ACACB: variants seen among roughly 807,000 people sequenced by gnomAD.
ACACB encodes the protein acetyl-CoA carboxylase beta.
Under a neutral mutation model 278.8 loss-of-function variants are expected in ACACB, and 209 were observed. The ratio of observed to expected loss-of-function variants is 0.75; its 90% CI spans 0.67 to 0.84. ACACB has a LOEUF of 0.84. Among genes scored for constraint, ACACB ranks in the 40% least tolerant of loss-of-function variants. ACACB has a pLI of 0.00. For missense variants in ACACB, 2,850 were observed against 3,269.0 expected (o/e 0.87, Z 3.13); for synonymous variants, 1,174 against 1,285.6 (o/e 0.91, Z 1.86).
chr12:109,258,283 C>A lies in ACACB; in HGVS notation c.6279C>A (p.Pro2093=). ...VTGRARLGGI[P]VGVIAVETRT... ...CATTTTCCAGGCTTGGGGGGATTCCCGTGGGAGTGATTGCTGTGGAGACAC... is the reference window on the plus strand; with the variant it reads ...CATTTTCCAGGCTTGGGGGGATTCCAGTGGGAGTGATTGCTGTGGAGACAC... The change falls in exon 46 of 53, where the codon CCC becomes CCA. Residue 2093 remains proline, a synonymous_variant. Transcript: ENST00000338432. 1 of 1,612,342 alleles carries A rather than the reference C, an allele frequency of 6.2e-7. No individual in the cohort carries two copies. Among genetic ancestry groups the A allele is most frequent in the Non-Finnish European group, 8.5e-7 (1 of 1,179,740 alleles).
intron 4 of ACACB, among the ~76,000 whole-genome samples, chr12:109,170,534 G>C (rs2044075884): frequency 6.6e-6 from 1 of 152,186 alleles, no homozygotes; most frequent in African/African-American, 2.4e-5. Flanking sequence ...GTCACAAAAA[G>C]TGAAATAAGC....
chr12:109,200,730 A>G (rs923256334), intron 18 of ACACB, among the ~76,000 whole-genome samples: 1 of 152,208 alleles, frequency 6.6e-6, no homozygotes. Flanking sequence ...ACTGGAGGTC[A>G]CACAAAGCCA....
At chr12:109,156,587 GTT>G (rs10616119) in intron 2 of ACACB, among the ~76,000 whole-genome samples, 80,051 of 131,648 alleles carry the variant, frequency 0.61, 23,764 homozygotes, top group Middle Eastern at 0.7. Context: ...GTTTCTCTCT[GTT>G]TTTTTTTTTT....
chr12:109,227,535 C>G (rs1443530799), intron 28 of ACACB, 46 bp downstream of exon 28: 9 of 1,572,548 alleles, frequency 5.7e-6, no homozygotes, highest in Non-Finnish European at 7.0e-6. Context: ...TTCTGTTCTT[C>G]CTGACCTCTG....
intron 21 of ACACB, among the ~76,000 whole-genome samples, chr12:109,210,455 G>C (rs1565928671): frequency 7.1e-6 from 1 of 140,796 alleles, no homozygotes; most frequent in African/African-American, 2.6e-5. Flanking sequence ...GTGTATATAT[G>C]TATATATACG....
rs17848814 is a variant in ACACB, at chr12:109,206,811, C to T, written c.3015C>T (p.Asn1005=). ...VFHSVLENLT[N]VMSGFCLPEP... ...ACAGCGTCCTGGAAAACCTCACCAA[C>T]GTCATGAGTGGCTTTTGTCTGCCAG... is the stretch of plus-strand genomic sequence containing the variant. Residue 1005 remains asparagine, a synonymous_variant, in exon 20 of 53, where the codon AAC becomes AAT. Transcript: ENST00000338432. The T allele has an allele frequency of 0.029, 46,675 of 1,614,010 alleles. 2,863 individuals are homozygous for T. Among genetic ancestry groups the T allele is most frequent in the African/African-American group, 0.26 (19,242 of 74,944 alleles).
chr12:109,263,234 T>C (rs1419022735), intron 49 of ACACB: 1 of 151,286 alleles, frequency 6.6e-6, no homozygotes, highest in African/African-American at 2.4e-5. Context: ...TGGGGTGCAG[T>C]GGCGCAATCT....
At chr12:109,211,156 A>G (rs1162788893) in intron 21 of ACACB, among the ~76,000 whole-genome samples, 1 of 151,650 alleles carries the variant, frequency 6.6e-6, no homozygotes, top group Non-Finnish European at 1.5e-5. Context: ...CCCACCCACA[A>G]ATTGGTGATT....
At chr12:109,128,458 C>T (rs1259746642) in intron 1 of ACACB, among the ~76,000 whole-genome samples, 2 of 152,164 alleles carry the variant, frequency 1.3e-5, no homozygotes, top group Non-Finnish European at 2.9e-5. Flanking sequence ...CCACCTCAGC[C>T]TCCCAAGTAG....
intron 20 of ACACB, 47 bp downstream of exon 20, chr12:109,206,903 A>G: frequency 1.2e-6 from 2 of 1,608,236 alleles, no homozygotes; most frequent in Non-Finnish European, 1.7e-6. Context: ...GCGGAGGGTC[A>G]GAAGATCTAC....
intron 21 of ACACB, among the ~76,000 whole-genome samples, chr12:109,209,685 T>A (rs1016501274): frequency 1.3e-5 from 2 of 151,648 alleles, no homozygotes; most frequent in Non-Finnish European, 2.9e-5. Context: ...CTGCAAGTTT[T>A]TTTATTTTTG....
At chr12:109,171,700 C>T in intron 4 of ACACB, 105 bp from the exon 5 acceptor site, 1 of 837,618 alleles carries the variant, frequency 1.2e-6, no homozygotes, top group Non-Finnish European at 1.9e-6. Context: ...TAGAAATCTG[C>T]ATGGTTCTGC....
At chr12:109,234,460 T>C (rs1003162798) in intron 31 of ACACB, among the ~76,000 whole-genome samples, 23 of 152,106 alleles carry the variant, frequency 1.5e-4, no homozygotes, top group African/African-American at 5.6e-4. Flanking sequence ...CCATTGTATT[T>C]CAGCCTGGGG....
intron 28 of ACACB, among the ~76,000 whole-genome samples, chr12:109,227,731 C>T (rs756461894): frequency 7.2e-5 from 11 of 152,242 alleles, no homozygotes; most frequent in Non-Finnish European, 8.8e-5. Flanking sequence ...TGCCTATTTA[C>T]ATTAAAATGA....
intron 12 of ACACB, among the ~76,000 whole-genome samples, chr12:109,187,779 C>T (rs919262855): frequency 6.6e-5 from 10 of 151,844 alleles, no homozygotes; most frequent in African/African-American, 2.4e-4. Context: ...TATTTTTTTA[C>T]AGTTAAAAAA....
At chr12:109,181,967 C>G (rs537464399) in intron 11 of ACACB, among the ~76,000 whole-genome samples, 1 of 151,556 alleles carries the variant, frequency 6.6e-6, no homozygotes, top group Non-Finnish European at 1.5e-5. Context: ...CCTCAGCCTC[C>G]TGAGTAGCTG....
Position 109,199,277 on chromosome 12 carries a change from C to T in ACACB, c.2628-125C>T, listed in dbSNP as rs566562188. 5.8e-5 allele frequency: 45 copies of T among 775,540 alleles called. No individual in the cohort carries two copies. The South Asian group carries it at 1.8e-3, about 32-fold the overall frequency. 48.0% of individuals were successfully genotyped at this position (775,540 alleles called of 1,614,324 possible). ...TCTCTGAGATAACTATCAACTGCCA[C>T]CCTTTGGGAATGTAGAGGGTACACT... is the stretch of plus-strand genomic sequence containing the variant. On this transcript the variant is annotated intron_variant, in intron 17 of 52. Coordinates refer to ENST00000338432, the MANE Select transcript of ACACB (RefSeq NM_001093.4).
Position 109,212,893 on chromosome 12 carries a change from G to A in ACACB, c.3307G>A (p.Val1103Ile), listed in dbSNP as rs747037918. The A allele has an allele frequency of 3.7e-6, 6 of 1,614,030 alleles. No homozygotes were observed. The highest frequency in any genetic ancestry group is 5.1e-6 in the Non-Finnish European group (6 of 1,180,012). The change falls in exon 22 of 53, where the codon GTC becomes ATC. Residue 1103 changes from valine (V) to isoleucine (I), a missense_variant. Around this residue, in one of 3 missense-constraint regions of ACACB, gnomAD observed 2,265 missense variants for 2,561.3 expected, o/e 0.88. Transcript: ENST00000338432. ...ATLQRKADRE[V>I]FFINTQSIVQ... ...CCTGCAGCGGAAGGCTGATCGAGAG[G>A]TCTTCTTCATCAACACCCAGAGCAT...
rs1047048452 is a variant in ACACB, at chr12:109,145,728, C to T, written c.653+5670C>T. On this transcript the variant is annotated intron_variant, in intron 2 of 52. Coordinates refer to ENST00000338432, the MANE Select transcript of ACACB (RefSeq NM_001093.4). ...ATATTATTTTTCTTGAGGCCAGGCA[C>T]GGCAGGTCATGCCTGTAATCCCAGC... Among the ~76,000 whole-genome samples the T allele has an allele frequency of 1.4e-4, 21 of 151,874 alleles. 1 individual carries two copies. Among genetic ancestry groups the T allele is most frequent in the African/African-American group, 3.9e-4 (16 of 41,412 alleles).
Sources: gnomAD v4.1 joint callset for allele counts (sites outside exome capture counted in the v4.1 genomes callset) on GRCh38, gnomAD v4.1.1 for gene constraint, gnomAD v4.1.1 regional missense constraint, MANE v1.5 for transcripts, NCBI Gene and HGNC (gene_info 2026-07-23, HGNC 2026-07-21) for gene names.